MARK2: variants seen among roughly 807,000 people sequenced by gnomAD.
MARK2 encodes the protein serine/threonine-protein kinase MARK2.
Under a neutral mutation model 89.8 loss-of-function variants are expected in MARK2, and 16 were observed. The observed-to-expected ratio is 0.18, with a 90% CI of 0.12 to 0.27. MARK2 has a LOEUF of 0.27. MARK2 is among the 10% of genes least tolerant of loss of function. MARK2 has a pLI of 1.00. For missense variants in MARK2, 621 were observed against 1,049.9 expected (o/e 0.59, Z 5.65); for synonymous variants, 382 against 399.5 (o/e 0.96, Z 0.52).
chr11:63,861,276 A>C (rs1018996605), intron 1 of MARK2, among the ~76,000 whole-genome samples: 2 of 152,094 alleles, frequency 1.3e-5, no homozygotes, highest in Non-Finnish European at 2.9e-5. Context: ...TCTACTAAAA[A>C]TACAAAAAAC....
At chr11:63,898,087 C>T (rs930440715) in intron 3 of MARK2, 145 bp from the exon 4 acceptor site, 30 of 690,500 alleles carry the variant, frequency 4.3e-5, no homozygotes, top group South Asian at 1.9e-4. Flanking sequence ...CAGGGAAGGC[C>T]GTGCATGAGC....
chr11:63,877,654 C>A (rs897446917), intron 1 of MARK2, among the ~76,000 whole-genome samples: 1 of 151,768 alleles, frequency 6.6e-6, no homozygotes, highest in South Asian at 2.1e-4. Flanking sequence ...GAGCCAAGAT[C>A]GCGCCACTGC....
At chr11:63,875,495 G>A (rs1386433274) in intron 1 of MARK2, among the ~76,000 whole-genome samples, 1 of 152,006 alleles carries the variant, frequency 6.6e-6, no homozygotes, top group Non-Finnish European at 1.5e-5. Context: ...CAAATGATCC[G>A]CCTACCTCAG....
Position 63,839,260 on chromosome 11 carries a change from A to G in MARK2, c.-247A>G. The G allele has an allele frequency of 3.7e-6, 1 of 273,636 alleles. No individual in the cohort carries two copies. Among genetic ancestry groups the G allele is most frequent in the Non-Finnish European group, 6.7e-6 (1 of 148,156 alleles). 17.0% of individuals were successfully genotyped at this position (273,636 alleles called of 1,614,324 possible). On this transcript the variant is annotated 5_prime_UTR_variant, in exon 1 of 19. Transcript: ENST00000402010. ...TAGGCGGAGCGGCGCGGCCCGGCCG[A>G]AAGGCGGCACAGCCCAGCCGGGGGT... is the stretch of plus-strand genomic sequence containing the variant.
chr11:63,863,359 T>G (rs1203771516), intron 1 of MARK2, among the ~76,000 whole-genome samples: 1 of 152,148 alleles, frequency 6.6e-6, no homozygotes, highest in Non-Finnish European at 1.5e-5. Flanking sequence ...TGATTTAATT[T>G]ACTTGCTTGT....
chr11:63,871,874 T>C (rs1938473100), intron 1 of MARK2, among the ~76,000 whole-genome samples: 1 of 151,784 alleles, frequency 6.6e-6, no homozygotes, highest in South Asian at 2.1e-4. Flanking sequence ...CAGGTGTGGG[T>C]GAAGAGTATT....
At chr11:63,841,427 G>A (rs138884496) in intron 1 of MARK2, among the ~76,000 whole-genome samples, 87 of 152,288 alleles carry the variant, frequency 5.7e-4, no homozygotes, top group African/African-American at 2.1e-3. Context: ...TTGGCAGCTG[G>A]TTCTGCATGG....
chr11:63,907,540 A>G (rs1308059167), intron 17 of MARK2, among the ~76,000 whole-genome samples: 3 of 152,188 alleles, frequency 2.0e-5, no homozygotes, highest in African/African-American at 7.2e-5. Flanking sequence ...CAGCGGGGCC[A>G]GACCTCTTCC....
At position 63,906,129 on chromosome 11, in the gene MARK2, C is replaced by T. The variant is rs1941311462; in HGVS notation, c.1961+15C>T. The T allele has an allele frequency of 9.6e-6, 12 of 1,248,166 alleles. No individual in the cohort carries two copies. The highest frequency in any genetic ancestry group is 1.9e-5 in the African/African-American group (1 of 52,398). The allele number at this position is 1,248,166 out of a possible 1,614,324, so 77.3% of individuals were successfully genotyped here. A position where few individuals can be genotyped will look rare whatever the true frequency, so the allele number is the denominator to read the frequency against. ...TTTGCCAGAAGGTAGGCGTTGAGCC[C>T]GCTGTGTGTGTGTGTGTGTGTGTGT... On this transcript the variant is annotated intron_variant, in intron 17 of 18. Coordinates refer to ENST00000402010, the MANE Select transcript of MARK2 (RefSeq NM_001039469.3).
chr11:63,876,494 T>TA (rs1488733277), intron 1 of MARK2, among the ~76,000 whole-genome samples: 2 of 152,228 alleles, frequency 1.3e-5, no homozygotes, highest in African/African-American at 4.8e-5. Context: ...GGGACCCCGT[T>TA]ATGGCTGTGG....
chr11:63,868,186 G>C (rs1368391512), intron 1 of MARK2, among the ~76,000 whole-genome samples: 4 of 152,032 alleles, frequency 2.6e-5, no homozygotes, highest in Non-Finnish European at 5.9e-5. Context: ...GAGTCCAGGA[G>C]TTTGAGAACA....
At position 63,898,354 on chromosome 11, in the gene MARK2, C is replaced by T. The variant is rs970090418; in HGVS notation, c.337+74C>T. 92 of 1,418,742 alleles carry T rather than the reference C, an allele frequency of 6.5e-5. 1 individual carries two copies. In the South Asian group the frequency reaches 8.1e-4, roughly 12 times the overall value. 87.9% of individuals were successfully genotyped at this position (1,418,742 alleles called of 1,614,324 possible). ...GCTTTCCAGCATGTCATCTTCTCCC[C>T]GAGGTGCACTGCCTTCTGGAGTCTG... On this transcript the variant is annotated intron_variant, in intron 4 of 18. Transcript: ENST00000402010.
At position 63,906,083 on chromosome 11, in the gene MARK2, T is replaced by C. The variant is rs1941308014; in HGVS notation, c.1935-5T>C. ...ATTTTGTCTTTTTTTTGTTTGTTTT[T>C]TTAGAAATCTGTCTTTCAGGTTTGC... On this transcript the variant is annotated splice_region_variant and splice_polypyrimidine_tract_variant and intron_variant, in intron 16 of 18. Transcript: ENST00000402010. 2 of 1,357,996 alleles carry C rather than the reference T, an allele frequency of 1.5e-6. No individual in the cohort carries two copies. The highest frequency in any genetic ancestry group is 3.0e-5 in the African/African-American group (2 of 66,870). The allele number at this position is 1,357,996 out of a possible 1,614,324, so 84.1% of individuals were successfully genotyped here.
At chr11:63,872,267 T>C (rs1174564596) in intron 1 of MARK2, among the ~76,000 whole-genome samples, 1 of 152,170 alleles carries the variant, frequency 6.6e-6, no homozygotes, top group Non-Finnish European at 1.5e-5. Context: ...GGCTTCTGCT[T>C]TGCCCTTGGC....
Position 63,842,133 on chromosome 11 carries a change from C to T in MARK2, c.54+2573C>T, listed in dbSNP as rs371922110. 4.7e-4 allele frequency among the ~76,000 whole-genome samples: 72 copies of T among 151,978 alleles called. 1 individual carries two copies. In the East Asian group the frequency reaches 8.3e-3, roughly 18 times the overall value. ...TTCTCAGGGTAGCCAGTCACTGTATCGATTTAATATTAAGTCTCATTCCAG... is the reference window on the plus strand; with the variant it reads ...TTCTCAGGGTAGCCAGTCACTGTATTGATTTAATATTAAGTCTCATTCCAG... On this transcript the variant is annotated intron_variant, in intron 1 of 18. Coordinates refer to ENST00000402010, the MANE Select transcript of MARK2 (RefSeq NM_001039469.3).
At chr11:63,883,091 G>A (rs563862785) in intron 1 of MARK2, among the ~76,000 whole-genome samples, 5 of 152,328 alleles carry the variant, frequency 3.3e-5, no homozygotes, top group African/African-American at 1.2e-4. Flanking sequence ...CATAAAGTGC[G>A]AGGCTGGCAG....
At chr11:63,850,832 T>C (rs1409084191) in intron 1 of MARK2, among the ~76,000 whole-genome samples, 3 of 152,158 alleles carry the variant, frequency 2.0e-5, no homozygotes. Flanking sequence ...CTTTTCTTTC[T>C]TCCTTTCTTT....
intron 1 of MARK2, chr11:63,868,406 T>G (rs1938253196): frequency 5.7e-6 from 1 of 176,182 alleles, no homozygotes; most frequent in Admixed American, 5.6e-5. Context: ...TGTGTCCATA[T>G]TGATTTGTAA....
At chr11:63,905,210 C>A (rs1367338227) in intron 16 of MARK2, among the ~76,000 whole-genome samples, 167 bp downstream of exon 16, 1 of 152,264 alleles carries the variant, frequency 6.6e-6, no homozygotes, top group South Asian at 2.1e-4. Context: ...TTTGTCAACA[C>A]CTTATGTGCC....
Sources: allele counts gnomAD v4.1 joint callset (sites outside exome capture counted in the v4.1 genomes callset), GRCh38; gene constraint gnomAD v4.1.1; transcripts MANE v1.5; gene names NCBI Gene and HGNC (gene_info 2026-07-23, HGNC 2026-07-21).